The following SYT9 variants were observed in gnomAD, a reference collection of about 807,000 sequenced individuals.
The protein encoded by SYT9 is synaptotagmin-9.
In SYT9, 22 loss-of-function variants were observed where a neutral mutation model predicts 48.4. The ratio of observed to expected loss-of-function variants is 0.45; its 90% CI spans 0.32 to 0.65. The LOEUF (loss-of-function observed/expected upper bound fraction) is 0.65. SYT9 is among the 30% of genes least tolerant of loss of function. The probability of loss-of-function intolerance (pLI) is 0.03; values close to 1 mark genes in which losing one functional copy is unlikely to be tolerated. For missense variants in SYT9, 577 were observed against 622.0 expected (o/e 0.93, Z 0.77); for synonymous variants, 265 against 245.0 (o/e 1.08, Z -0.76).
rs1849176048 is a variant in SYT9 at position 7,313,398 on chromosome 11, T to C, written c.501T>C (p.His167=). The change falls in exon 3 of 7, where the codon CAT becomes CAC. Residue 167 remains histidine, a synonymous_variant. Coordinates refer to ENST00000318881, the MANE Select transcript of SYT9 (RefSeq NM_175733.4). The stretch of plus-strand genomic sequence containing the variant: ...TCTGTGTTGCTCTTCATTCAAGGCA[T>C]AATTCAATCCGAAGACAACTCAACT... ...QVTEPTSSAR[H]NSIRRQLNLS... is the part of the protein sequence containing the mutation. 1 of 1,608,170 alleles carries C rather than the reference T, an allele frequency of 6.2e-7. No individual in the cohort carries two copies. Among genetic ancestry groups the C allele is most frequent in the Non-Finnish European group, 8.5e-7 (1 of 1,177,694 alleles).
At chr11:7,288,042 G>A (rs1357139171) in intron 1 of SYT9, among the ~76,000 whole-genome samples, 1 of 151,614 alleles carries the variant, frequency 6.6e-6, no homozygotes, top group Non-Finnish European at 1.5e-5. Context: ...ATGGCAGATG[G>A]CAGAGATGCT....
At chr11:7,389,015 G>A (rs1850712698) in intron 3 of SYT9, among the ~76,000 whole-genome samples, 1 of 152,192 alleles carries the variant, frequency 6.6e-6, no homozygotes, top group African/African-American at 2.4e-5. Context: ...AGGACATTGT[G>A]TGGTTGTTTA....
chr11:7,259,958 A>T (rs935135983), intron 1 of SYT9, among the ~76,000 whole-genome samples: 115 of 152,282 alleles, frequency 7.6e-4, no homozygotes, highest in African/African-American at 2.5e-3. Context: ...TATATGAAAT[A>T]TGAAAAAGTT....
intron 6 of SYT9, among the ~76,000 whole-genome samples, chr11:7,449,228 C>A (rs1847994417): frequency 6.7e-6 from 1 of 149,116 alleles, no homozygotes; most frequent in Admixed American, 6.8e-5. Flanking sequence ...CCTATAATCC[C>A]AGCTACTCAG....
At chr11:7,426,030 G>A (rs2134111897) in intron 6 of SYT9, among the ~76,000 whole-genome samples, 1 of 152,264 alleles carries the variant, frequency 6.6e-6, no homozygotes, top group South Asian at 2.1e-4. Flanking sequence ...GTAAGAAACA[G>A]GAAGAGGTAA....
intron 1 of SYT9, among the ~76,000 whole-genome samples, chr11:7,254,453 A>G (rs924282722): frequency 6.6e-6 from 1 of 152,138 alleles, no homozygotes; most frequent in Non-Finnish European, 1.5e-5. Context: ...CCTTGCCGAC[A>G]TTAATTCTTA....
chr11:7,257,055 A>G (rs1847985242), intron 1 of SYT9, among the ~76,000 whole-genome samples: 1 of 152,170 alleles, frequency 6.6e-6, no homozygotes. Context: ...CCAGTTTTAA[A>G]TCACAGTCTC....
chr11:7,277,666 G>A (rs905771975), intron 1 of SYT9, among the ~76,000 whole-genome samples: 2 of 152,204 alleles, frequency 1.3e-5, no homozygotes, highest in Admixed American at 6.5e-5. Context: ...TTCAGGATTA[G>A]TGTATGCCTA....
chr11:7,406,171 A>G lies in SYT9; in HGVS notation c.1045-9871A>G, dbSNP rs370754040. ...TATTTATCATTCCTATGTGTTGGTA[A>G]CATTTCAAGTCCTCTCTTCTAGCTA... is the stretch of plus-strand genomic sequence containing the variant. On this transcript the variant is annotated intron_variant, in intron 3 of 6. Coordinates refer to ENST00000318881, the MANE Select transcript of SYT9 (RefSeq NM_175733.4). Among the ~76,000 whole-genome samples, 49 of 152,252 alleles carry G rather than the reference A, an allele frequency of 3.2e-4. No homozygotes were observed. In the East Asian group the frequency reaches 8.1e-3, roughly 25 times the overall value.
At chr11:7,304,926 A>G (rs1253980025) in intron 2 of SYT9, among the ~76,000 whole-genome samples, 2 of 152,198 alleles carry the variant, frequency 1.3e-5, no homozygotes, top group African/African-American at 4.8e-5. Context: ...TCTACTCTGC[A>G]TGTAACTTTT....
intron 3 of SYT9, among the ~76,000 whole-genome samples, chr11:7,392,487 A>C (rs887577114): frequency 2.6e-5 from 4 of 152,078 alleles, no homozygotes; most frequent in African/African-American, 9.7e-5. Flanking sequence ...CCAGTACCAT[A>C]TTCTTTTGGT....
intron 1 of SYT9, among the ~76,000 whole-genome samples, chr11:7,255,097 G>C (rs906603335): frequency 2.0e-5 from 3 of 152,226 alleles, no homozygotes; most frequent in Non-Finnish European, 4.4e-5. Context: ...AAAGTGCTGA[G>C]TGTGAGCACT....
rs540727256 is a variant in SYT9 at position 7,346,135 on chromosome 11, G to C, written c.1044+32194G>C. Among the ~76,000 whole-genome samples, 5 of 152,314 alleles carry C rather than the reference G, an allele frequency of 3.3e-5. No homozygotes were observed. The South Asian group carries it at 1.0e-3, about 32-fold the overall frequency. ...CATAGAGCAGTAAGGACCAAAGCCA[G>C]AACAGAGTAGACTGGAAAGCAAATG... On this transcript the variant is annotated intron_variant, in intron 3 of 6. Transcript: ENST00000318881.
chr11:7,312,793 G>T (rs2133951633), intron 2 of SYT9, among the ~76,000 whole-genome samples: 1 of 152,318 alleles, frequency 6.6e-6, no homozygotes, highest in South Asian at 2.1e-4. Context: ...TCCCAATTAT[G>T]TCACTTCTAC....
intron 6 of SYT9, chr11:7,438,892 T>A (rs1308746285): frequency 6.6e-6 from 1 of 152,330 alleles, no homozygotes; most frequent in Non-Finnish European, 1.5e-5. Flanking sequence ...CAGCATTAGA[T>A]ACAGAAGCTT....
At chr11:7,245,432 T>G (rs1176311250) in intron 1 of SYT9, among the ~76,000 whole-genome samples, 3 of 151,904 alleles carry the variant, frequency 2.0e-5, no homozygotes, top group Non-Finnish European at 2.9e-5. Flanking sequence ...CTTTTTTTTT[T>G]GTTTTTGTTT....
At chr11:7,255,064 A>G (rs948033205) in intron 1 of SYT9, among the ~76,000 whole-genome samples, 2 of 152,214 alleles carry the variant, frequency 1.3e-5, no homozygotes, top group Non-Finnish European at 2.9e-5. Context: ...CCAGTCTGTC[A>G]TCTGTACCAA....
At chr11:7,444,646 A>T (rs775081050) in intron 6 of SYT9, 4 of 152,170 alleles carry the variant, frequency 2.6e-5, no homozygotes, top group Admixed American at 1.3e-4. Flanking sequence ...CCCAATTTCC[A>T]TAGCCAATGG....
chr11:7,328,102 T>A (rs761698558), intron 3 of SYT9, among the ~76,000 whole-genome samples: 2 of 137,146 alleles, frequency 1.5e-5, no homozygotes, highest in African/African-American at 5.4e-5. Flanking sequence ...AATAATAATT[T>A]TAAAAAAAAT....
Sources: gnomAD v4.1 joint callset for allele counts (sites outside exome capture counted in the v4.1 genomes callset) on GRCh38, gnomAD v4.1.1 for gene constraint, MANE v1.5 for transcripts, NCBI Gene and HGNC (gene_info 2026-07-23, HGNC 2026-07-21) for gene names.